The following DCDC2C variants were observed in gnomAD, a reference collection of about 807,000 sequenced individuals.
The protein encoded by DCDC2C is doublecortin domain-containing protein 2C.
A neutral mutation model predicts 45.0 loss-of-function variants in DCDC2C; 44 were observed. That is an observed-to-expected ratio of 0.98 (90% confidence interval 0.77 to 1.26). DCDC2C has a LOEUF of 1.26. Among genes scored for constraint, DCDC2C ranks in the 50% most tolerant of loss-of-function variants. The pLI is 0.00. For synonymous variants in DCDC2C, 187 were observed against 178.8 expected, an observed-to-expected ratio of 1.05 and a Z score of -0.37; for missense variants, 447 against 468.9, an observed-to-expected ratio of 0.95 and a Z score of 0.43.
chr2:3,836,645 A>G lies in DCDC2C; in HGVS notation c.1066-10509A>G, dbSNP rs577269304. On this transcript the variant is annotated intron_variant, in intron 10 of 10. Coordinates refer to ENST00000399143, the MANE Select transcript of DCDC2C (RefSeq NM_001287444.2). ...TCGGAGGCCGAGGTGGGTGGACCAC[A>G]AGGTCAGGAGATTGAGAACATCCTG... 9.5e-4 allele frequency among the ~76,000 whole-genome samples: 145 copies of G among 152,206 alleles called. 1 individual carries two copies. The highest frequency in any genetic ancestry group is 1.5e-3 in the Non-Finnish European group (102 of 68,002).
intron 10 of DCDC2C, among the ~76,000 whole-genome samples, chr2:3,793,188 C>A (rs1376587381): frequency 6.6e-6 from 1 of 152,100 alleles, no homozygotes; most frequent in Non-Finnish European, 1.5e-5. Context: ...AAAAGACAGG[C>A]CTTAAAAAAA....
intron 10 of DCDC2C, among the ~76,000 whole-genome samples, chr2:3,810,384 A>G (rs548505448): frequency 1.3e-5 from 2 of 152,302 alleles, no homozygotes; most frequent in East Asian, 1.9e-4. Context: ...AGCCACATAA[A>G]TGTCTTTCGA....
chr2:3,707,837 C>T (rs1248310793), intron 1 of DCDC2C, among the ~76,000 whole-genome samples: 1 of 152,174 alleles, frequency 6.6e-6, no homozygotes, highest in African/African-American at 2.4e-5. Flanking sequence ...TTCTATTTAC[C>T]AGTCTAAGTT....
At chr2:3,720,533 T>C (rs1572556997) in intron 2 of DCDC2C, among the ~76,000 whole-genome samples, 1 of 152,122 alleles carries the variant, frequency 6.6e-6, no homozygotes, top group East Asian at 1.9e-4. Flanking sequence ...AACAATGAAA[T>C]AACCATGTAC....
intron 10 of DCDC2C, among the ~76,000 whole-genome samples, chr2:3,838,394 A>G (rs1481037951): frequency 2.6e-5 from 4 of 152,006 alleles, no homozygotes; most frequent in Admixed American, 2.0e-4. Flanking sequence ...CAAGGCACTG[A>G]GAAACCACAA....
intron 6 of DCDC2C, among the ~76,000 whole-genome samples, chr2:3,762,398 C>A (rs1036686861): frequency 1.3e-5 from 2 of 152,092 alleles, no homozygotes; most frequent in Admixed American, 1.3e-4. Flanking sequence ...TTCATTCTTA[C>A]ACTGCTATAA....
intron 8 of DCDC2C, among the ~76,000 whole-genome samples, chr2:3,770,023 G>T (rs1211020501): frequency 6.6e-6 from 1 of 152,130 alleles, no homozygotes; most frequent in Non-Finnish European, 1.5e-5. Context: ...GAAGGGGCGG[G>T]GTCAGGCCAG....
intron 4 of DCDC2C, among the ~76,000 whole-genome samples, chr2:3,743,288 A>G (rs1669269022): frequency 6.6e-6 from 1 of 152,238 alleles, no homozygotes; most frequent in African/African-American, 2.4e-5. Flanking sequence ...AGGGAGAGGT[A>G]GACAGCAATA....
intron 3 of DCDC2C, among the ~76,000 whole-genome samples, chr2:3,730,199 A>C (rs1398490197): frequency 1.3e-5 from 2 of 152,196 alleles, no homozygotes; most frequent in African/African-American, 4.8e-5. Context: ...GCCTGTAATC[A>C]TGGCACTTTG....
intron 10 of DCDC2C, among the ~76,000 whole-genome samples, chr2:3,804,762 G>A (rs530719095): frequency 1.3e-5 from 2 of 152,298 alleles, no homozygotes; most frequent in African/African-American, 4.8e-5. Flanking sequence ...TACCCGTGCT[G>A]CACTCGTAAC....
chr2:3,781,548 T>A (rs1460706476), intron 9 of DCDC2C, among the ~76,000 whole-genome samples: 1 of 152,206 alleles, frequency 6.6e-6, no homozygotes, highest in Non-Finnish European at 1.5e-5. Flanking sequence ...TAAGAAGACA[T>A]ATTATAAACT....
intron 5 of DCDC2C, 28 bp downstream of exon 5, chr2:3,752,928 T>G (rs1407038261): frequency 6.5e-7 from 1 of 1,539,104 alleles, no homozygotes; most frequent in African/African-American, 1.4e-5. Context: ...CTTTCTTTCC[T>G]GAGTTTTGGA....
intron 1 of DCDC2C, among the ~76,000 whole-genome samples, chr2:3,707,046 G>C (rs941119270): frequency 6.6e-6 from 1 of 152,132 alleles, no homozygotes; most frequent in Non-Finnish European, 1.5e-5. Context: ...AAGTAGCCGG[G>C]AGGGAGCTTG....
At chr2:3,829,231 T>C (rs1449364743) in intron 10 of DCDC2C, among the ~76,000 whole-genome samples, 1 of 151,894 alleles carries the variant, frequency 6.6e-6, no homozygotes, top group Non-Finnish European at 1.5e-5. Flanking sequence ...TCCGGATGCA[T>C]AGCATTTTCA....
At chr2:3,785,411 C>T (rs1360210430) in intron 10 of DCDC2C, among the ~76,000 whole-genome samples, 1 of 151,312 alleles carries the variant, frequency 6.6e-6, no homozygotes, top group African/African-American at 2.4e-5. Context: ...CCTGGAAAAC[C>T]TGGAAAACGC....
intron 7 of DCDC2C, chr2:3,769,109 C>A: frequency 1.8e-6 from 1 of 540,586 alleles, no homozygotes. Context: ...GAGGCCACCA[C>A]GCTGAGCACC....
intron 6 of DCDC2C, 109 bp from the exon 7 acceptor site, chr2:3,767,645 C>T: frequency 7.7e-7 from 1 of 1,293,776 alleles, no homozygotes. Context: ...TTTCCTCCTA[C>T]TGTTTCTCTG....
intron 10 of DCDC2C, among the ~76,000 whole-genome samples, chr2:3,805,958 G>T (rs1456778176): frequency 6.6e-6 from 1 of 152,150 alleles, no homozygotes. Context: ...AGACTCCCCA[G>T]TAGCTGGTAC....
At chr2:3,704,252 T>A (rs1572542160) in intron 1 of DCDC2C, 2 of 405,722 alleles carry the variant, frequency 4.9e-6, no homozygotes, top group Non-Finnish European at 8.4e-6. Flanking sequence ...GCCCCCAGGG[T>A]CCCTTCCTAT....
Sources: allele counts gnomAD v4.1 joint callset (sites outside exome capture counted in the v4.1 genomes callset), GRCh38; gene constraint gnomAD v4.1.1; transcripts MANE v1.5; gene names NCBI Gene and HGNC (gene_info 2026-07-23, HGNC 2026-07-21).